OXR1: variants seen among roughly 807,000 people sequenced by gnomAD.
OXR1 encodes oxidation resistance protein 1.
OXR1 carries 41 observed loss-of-function variants against 104.6 expected under a neutral mutation model. The ratio of observed to expected loss-of-function variants is 0.39; its 90% CI spans 0.31 to 0.51. The LOEUF is 0.51. OXR1 is among the 20% of genes least tolerant of loss of function. OXR1 has a pLI of 0.77. For missense variants in OXR1, 955 were observed against 1,031.9 expected, an observed-to-expected ratio of 0.93 and a Z score of 1.02; for synonymous variants, 348 against 348.4, an observed-to-expected ratio of 1.00 and a Z score of 0.01.
chr8:106,720,150 T>C (rs187533596), intron 11 of OXR1, among the ~76,000 whole-genome samples: 9 of 152,266 alleles, frequency 5.9e-5, no homozygotes, highest in Non-Finnish European at 1.2e-4. Context: ...TAAAATTCTC[T>C]TAGTGGTTAA....
At chr8:106,318,549 A>T (rs1410849441) in intron 1 of OXR1, among the ~76,000 whole-genome samples, 1 of 152,208 alleles carries the variant, frequency 6.6e-6, no homozygotes, top group Non-Finnish European at 1.5e-5. Flanking sequence ...TATAGATTTC[A>T]GTCTTCTTTG....
chr8:106,417,570 T>A (rs4409376), intron 2 of OXR1, among the ~76,000 whole-genome samples: 57,691 of 151,912 alleles, frequency 0.38, 12,252 homozygotes, highest in East Asian at 0.7. Context: ...TTTATTAAAA[T>A]TTCTGTTTCT....
chr8:106,603,895 A>G (rs1039655332), intron 3 of OXR1, among the ~76,000 whole-genome samples: 3 of 152,008 alleles, frequency 2.0e-5, no homozygotes, highest in African/African-American at 7.2e-5. Context: ...TCTACTAAAA[A>G]TATAAAAATT....
At chr8:106,677,499 A>G (rs576146091) in intron 3 of OXR1, among the ~76,000 whole-genome samples, 5 of 152,118 alleles carry the variant, frequency 3.3e-5, no homozygotes, top group East Asian at 1.9e-4. Flanking sequence ...GTCAAACAGT[A>G]TGTGACCAAA....
intron 1 of OXR1, among the ~76,000 whole-genome samples, chr8:106,345,384 C>T (rs1815436710): frequency 6.6e-6 from 1 of 152,226 alleles, no homozygotes; most frequent in African/African-American, 2.4e-5. Flanking sequence ...CCATTAAACA[C>T]ATATATTCCT....
chr8:106,448,004 C>G (rs1470951446), intron 2 of OXR1: 21 of 1,528,530 alleles, frequency 1.4e-5, no homozygotes, highest in Non-Finnish European at 1.8e-5. Flanking sequence ...TATAAGGTTG[C>G]CTGCCTGCCT....
At chr8:106,323,001 C>T (rs1814288160) in intron 1 of OXR1, among the ~76,000 whole-genome samples, 1 of 151,994 alleles carries the variant, frequency 6.6e-6, no homozygotes, top group Non-Finnish European at 1.5e-5. Flanking sequence ...TATCAGACTA[C>T]CAATGACATT....
intron 3 of OXR1, among the ~76,000 whole-genome samples, chr8:106,614,322 C>T (rs533303612): frequency 2.0e-5 from 3 of 152,162 alleles, no homozygotes; most frequent in Non-Finnish European, 4.4e-5. Flanking sequence ...ACATTTAAGT[C>T]ACTTTATCAC....
At chr8:106,682,392 C>T (rs1474476353) in intron 4 of OXR1, 1 of 151,444 alleles carries the variant, frequency 6.6e-6, no homozygotes, top group Admixed American at 6.6e-5. Flanking sequence ...CCTCAGCCTC[C>T]CGAGTAGCTG....
chr8:106,653,434 G>A (rs1824790024), intron 3 of OXR1, among the ~76,000 whole-genome samples: 1 of 151,788 alleles, frequency 6.6e-6, no homozygotes, highest in Non-Finnish European at 1.5e-5. Flanking sequence ...AGGAAGGCAA[G>A]GTTCATTTAA....
chr8:106,673,782 G>A (rs898189840), intron 3 of OXR1, among the ~76,000 whole-genome samples: 1 of 152,144 alleles, frequency 6.6e-6, no homozygotes, highest in African/African-American at 2.4e-5. Context: ...GGCTAAAAAG[G>A]GCCAACATAC....
intron 2 of OXR1, among the ~76,000 whole-genome samples, chr8:106,417,844 G>A (rs1586623492): frequency 1.3e-5 from 2 of 152,180 alleles, no homozygotes; most frequent in East Asian, 3.9e-4. Context: ...ATTATTTGCA[G>A]AGGTTTGGAC....
At chr8:106,749,663 C>G (rs1408458776) in intron 16 of OXR1, among the ~76,000 whole-genome samples, 1 of 152,028 alleles carries the variant, frequency 6.6e-6, no homozygotes, top group African/African-American at 2.4e-5. Context: ...TTTAAAAAAG[C>G]CTCCGCCTCC....
chr8:106,697,608 C>A, intron 7 of OXR1: 1 of 1,613,092 alleles, frequency 6.2e-7, no homozygotes, highest in Non-Finnish European at 8.5e-7. Context: ...AGGCTACTGC[C>A]AACCCACCCA....
intron 1 of OXR1, among the ~76,000 whole-genome samples, chr8:106,322,217 G>A (rs1242194875): frequency 2.0e-5 from 3 of 152,212 alleles, no homozygotes; most frequent in Admixed American, 1.3e-4. Flanking sequence ...AGTTGGCTTC[G>A]TCCCTGGGAT....
chr8:106,743,622 A>C (rs1286960601), intron 15 of OXR1, among the ~76,000 whole-genome samples: 4 of 152,170 alleles, frequency 2.6e-5, no homozygotes, highest in Non-Finnish European at 5.9e-5. Context: ...CGCCCAACTG[A>C]AAAAGGAATG....
intron 2 of OXR1, among the ~76,000 whole-genome samples, chr8:106,377,527 G>A (rs1472208094): frequency 6.6e-6 from 1 of 152,110 alleles, no homozygotes; most frequent in African/African-American, 2.4e-5. Context: ...GACGCAATCA[G>A]GGTAAGTTAG....
chr8:106,581,541 A>G (rs3101540), intron 3 of OXR1, among the ~76,000 whole-genome samples: 58,822 of 151,658 alleles, frequency 0.39, 12,363 homozygotes, highest in African/African-American at 0.56. Flanking sequence ...TCTTATTTCT[A>G]TTAATGTCAC....
intron 3 of OXR1, among the ~76,000 whole-genome samples, chr8:106,616,051 T>C (rs1331406166): frequency 7.1e-6 from 1 of 141,068 alleles, no homozygotes; most frequent in Non-Finnish European, 1.5e-5. Flanking sequence ...TTTTTTTTTT[T>C]TTGAGACGGA....
Sources: allele counts gnomAD v4.1 joint callset (sites outside exome capture counted in the v4.1 genomes callset), GRCh38; gene constraint gnomAD v4.1.1; transcripts MANE v1.5; gene names NCBI Gene and HGNC (gene_info 2026-07-23, HGNC 2026-07-21).